The following MAGI1 variants were observed in gnomAD, a reference collection of about 807,000 sequenced individuals.
MAGI1 encodes the protein membrane-associated guanylate kinase, WW and PDZ domain-containing protein 1.
In MAGI1, 58 loss-of-function variants were observed where a neutral mutation model predicts 139.9. The ratio of observed to expected loss-of-function variants is 0.41; its 90% CI spans 0.34 to 0.52. The LOEUF is 0.52. Ranked by LOEUF, MAGI1 falls within the 20% of genes least tolerant of loss-of-function variation. The pLI, the probability that MAGI1 is intolerant of heterozygous loss-of-function variation, is 0.12. For synonymous variants in MAGI1, 812 were observed against 737.9 expected (o/e 1.10, Z -1.63); for missense variants, 1,874 against 1,901.6 (o/e 0.99, Z 0.27).
chr3:65,558,226 A>G (rs989182964), intron 2 of MAGI1, among the ~76,000 whole-genome samples: 7 of 152,080 alleles, frequency 4.6e-5, no homozygotes, highest in Non-Finnish European at 2.9e-5. Context: ...CTGTTTCTAA[A>G]CGTTTCCATT....
chr3:65,537,893 G>A (rs542985722), intron 2 of MAGI1, among the ~76,000 whole-genome samples: 12 of 151,992 alleles, frequency 7.9e-5, no homozygotes, highest in East Asian at 3.9e-4. Flanking sequence ...CAAGGCGGTC[G>A]GATCACCTGA....
chr3:65,604,608 A>G (rs985733642), intron 2 of MAGI1, among the ~76,000 whole-genome samples: 26 of 152,154 alleles, frequency 1.7e-4, no homozygotes, highest in African/African-American at 6.0e-4. Flanking sequence ...GGTTTTCCTT[A>G]TAAGAACCTT....
At chr3:65,729,234 C>T (rs1437168119) in intron 1 of MAGI1, among the ~76,000 whole-genome samples, 2 of 151,240 alleles carry the variant, frequency 1.3e-5, no homozygotes, top group South Asian at 4.2e-4. Flanking sequence ...GACAGCAGGT[C>T]ACTCCAAAAT....
intron 1 of MAGI1, among the ~76,000 whole-genome samples, chr3:65,813,052 T>C (rs2041379525): frequency 6.6e-6 from 1 of 151,950 alleles, no homozygotes; most frequent in Non-Finnish European, 1.5e-5. Flanking sequence ...AGTCAATTTC[T>C]TTTTTATTAA....
At chr3:65,751,224 T>A (rs1348164186) in intron 1 of MAGI1, among the ~76,000 whole-genome samples, 1 of 152,198 alleles carries the variant, frequency 6.6e-6, no homozygotes, top group Non-Finnish European at 1.5e-5. Context: ...TTACTCTAGC[T>A]CAGAGACCTG....
chr3:65,812,451 C>G (rs1180959698), intron 1 of MAGI1, among the ~76,000 whole-genome samples: 1 of 119,760 alleles, frequency 8.4e-6, no homozygotes. Context: ...CTCTTTCTCT[C>G]TCTCTCTCTC....
chr3:65,840,148 A>ATTT (rs34338889), intron 1 of MAGI1, among the ~76,000 whole-genome samples: 1 of 147,460 alleles, frequency 6.8e-6, no homozygotes, highest in African/African-American at 2.5e-5. Flanking sequence ...TAGTTCTAAG[A>ATTT]TTTTTTTTTT....
chr3:65,480,198 C>T (rs115215232), intron 3 of MAGI1, among the ~76,000 whole-genome samples: 28 of 149,560 alleles, frequency 1.9e-4, no homozygotes, highest in South Asian at 8.5e-4. Context: ...CAAAAGGAGA[C>T]GGTAATAGCC....
intron 1 of MAGI1, among the ~76,000 whole-genome samples, chr3:65,917,468 T>C (rs1207461480): frequency 6.6e-6 from 1 of 152,072 alleles, no homozygotes; most frequent in Non-Finnish European, 1.5e-5. Flanking sequence ...AGCAAAGGAG[T>C]TGAAAACTTA....
At chr3:65,628,904 T>C (rs150589205) in intron 1 of MAGI1, among the ~76,000 whole-genome samples, 4 of 152,330 alleles carry the variant, frequency 2.6e-5, no homozygotes, top group African/African-American at 9.6e-5. Flanking sequence ...GACTTGCCTG[T>C]TCACATTTCT....
chr3:65,997,642 C>A (rs1044622071), intron 1 of MAGI1, among the ~76,000 whole-genome samples: 49 of 151,914 alleles, frequency 3.2e-4, no homozygotes, highest in South Asian at 4.2e-4. Flanking sequence ...GGCGACAGAG[C>A]AAGACTCCGT....
intron 12 of MAGI1, among the ~76,000 whole-genome samples, chr3:65,416,664 A>C (rs1946240676): frequency 6.6e-6 from 1 of 152,200 alleles, no homozygotes; most frequent in Admixed American, 6.5e-5. Context: ...AAATGCAAAA[A>C]GGAACACTAT....
chr3:65,816,116 C>A (rs1221353838), intron 1 of MAGI1, among the ~76,000 whole-genome samples: 1 of 152,152 alleles, frequency 6.6e-6, no homozygotes, highest in Non-Finnish European at 1.5e-5. Context: ...CCCTCCCCCT[C>A]CCAATTCTGA....
At chr3:65,469,959 A>G (rs1950454908) in intron 5 of MAGI1, 1 of 147,816 alleles carries the variant, frequency 6.8e-6, no homozygotes, top group Non-Finnish European at 1.5e-5. Context: ...TATTTATTAA[A>G]ATATTTAAAT....
At chr3:65,494,554 A>G (rs1428765576) in intron 2 of MAGI1, among the ~76,000 whole-genome samples, 2 of 152,226 alleles carry the variant, frequency 1.3e-5, no homozygotes, top group African/African-American at 4.8e-5. Flanking sequence ...AAAAAGAGCA[A>G]AAAATGTGAC....
chr3:65,614,279 T>C (rs2083265603), intron 2 of MAGI1, among the ~76,000 whole-genome samples: 1 of 152,210 alleles, frequency 6.6e-6, no homozygotes, highest in Non-Finnish European at 1.5e-5. Flanking sequence ...GGTTCTCTTT[T>C]CCATTACATA....
At chr3:65,885,229 T>C (rs1031265975) in intron 1 of MAGI1, among the ~76,000 whole-genome samples, 9 of 151,878 alleles carry the variant, frequency 5.9e-5, no homozygotes, top group African/African-American at 1.9e-4. Context: ...TGAAACCCCA[T>C]TTCTACCAAA....
intron 1 of MAGI1, among the ~76,000 whole-genome samples, chr3:65,909,748 G>T (rs1036359661): frequency 6.6e-6 from 1 of 152,072 alleles, no homozygotes; most frequent in Non-Finnish European, 1.5e-5. Context: ...GCTGCTGCCC[G>T]CTTTATTTCA....
intron 1 of MAGI1, among the ~76,000 whole-genome samples, chr3:65,712,535 CAG>C (rs1451176877): frequency 6.6e-6 from 1 of 151,070 alleles, no homozygotes; most frequent in African/African-American, 2.4e-5. Context: ...GTTGTTGAGA[CAG>C]AGTTTCACTC....
Sources: allele counts gnomAD v4.1 joint callset (sites outside exome capture counted in the v4.1 genomes callset), GRCh38; gene constraint gnomAD v4.1.1; transcripts MANE v1.5; gene names NCBI Gene and HGNC (gene_info 2026-07-23, HGNC 2026-07-21).